Variants in NALF1 observed in about 807,000 individuals in gnomAD.
The protein encoded by NALF1 is family with sequence similarity 155 member A.
In NALF1, 3 loss-of-function variants were observed where a neutral mutation model predicts 48.4. That is an observed-to-expected ratio of 0.06 (90% CI 0.03 to 0.16). The LOEUF is 0.16. NALF1 is among the 10% of genes least tolerant of loss of function. The pLI, the probability that NALF1 is intolerant of heterozygous loss-of-function variation, is 1.00. For synonymous variants in NALF1, 262 were observed against 245.7 expected (o/e 1.07, Z -0.62); for missense variants, 526 against 571.5 (o/e 0.92, Z 0.81).
intron 1 of NALF1, among the ~76,000 whole-genome samples, chr13:107,211,698 C>T (rs17437403): frequency 0.018 from 2,733 of 152,200 alleles, 28 homozygotes; most frequent in Non-Finnish European, 0.028. Context: ...TTATCTATTT[C>T]TAGGGTTAAT....
intron 1 of NALF1, among the ~76,000 whole-genome samples, chr13:107,306,343 G>A (rs1188208001): frequency 6.6e-6 from 1 of 152,114 alleles, no homozygotes; most frequent in African/African-American, 2.4e-5. Flanking sequence ...CAGACTTGAG[G>A]ATTGTATAGC....
intron 1 of NALF1, among the ~76,000 whole-genome samples, chr13:107,236,547 G>A (rs1880345637): frequency 6.6e-6 from 1 of 152,146 alleles, no homozygotes; most frequent in African/African-American, 2.4e-5. Context: ...GAAAACAAAT[G>A]TAAAGAGATG....
chr13:107,504,250 C>CAAAAAAAAAAAAAAAAAAAAATAAA (rs1875621689), intron 1 of NALF1, among the ~76,000 whole-genome samples: 1 of 71,706 alleles, frequency 1.4e-5, no homozygotes. Flanking sequence ...GGCCCTATCT[C>CAAAAAAAAAAAAAAAAAAAAATAAA]AAAAAAAAAA....
At chr13:107,213,255 A>C (rs1302910972) in intron 1 of NALF1, among the ~76,000 whole-genome samples, 2 of 151,040 alleles carry the variant, frequency 1.3e-5, no homozygotes, top group Admixed American at 6.6e-5. Flanking sequence ...AAAAAAGAAA[A>C]GAAAAAGAAA....
chr13:107,649,082 T>C (rs1278130737), intron 1 of NALF1, among the ~76,000 whole-genome samples: 1 of 152,198 alleles, frequency 6.6e-6, no homozygotes, highest in Non-Finnish European at 1.5e-5. Flanking sequence ...TGGATAAAAG[T>C]CCCTTATCAG....
Position 107,393,945 on chromosome 13 carries a change from C to G in NALF1, c.916-183190G>C, listed in dbSNP as rs373058921. 2.0e-5 allele frequency among the ~76,000 whole-genome samples: 3 copies of G among 152,194 alleles called. 1 individual carries two copies. On this transcript the variant is annotated intron_variant, in intron 1 of 2. Coordinates refer to ENST00000375915, the MANE Select transcript of NALF1 (RefSeq NM_001080396.3). Reference sequence around the variant, plus strand: ...AAGAGGTACTTTCTAAGATATTTAGCTAAAACAATAAAAAGTAAATTGCTA... The same window carrying G: ...AAGAGGTACTTTCTAAGATATTTAGGTAAAACAATAAAAAGTAAATTGCTA...
At chr13:107,654,577 T>C (rs1427286453) in intron 1 of NALF1, among the ~76,000 whole-genome samples, 1 of 150,420 alleles carries the variant, frequency 6.6e-6, no homozygotes, top group Non-Finnish European at 1.5e-5. Context: ...ATTCAAAGAG[T>C]TTGTACTAAT....
chr13:107,295,968 C>T (rs1300934490), intron 1 of NALF1, among the ~76,000 whole-genome samples: 1 of 152,098 alleles, frequency 6.6e-6, no homozygotes, highest in African/African-American at 2.4e-5. Flanking sequence ...AATGCAAGAA[C>T]TTAAGGAATT....
chr13:107,753,638 C>T (rs1338288921), intron 1 of NALF1, among the ~76,000 whole-genome samples: 1 of 151,980 alleles, frequency 6.6e-6, no homozygotes, highest in Non-Finnish European at 1.5e-5. Context: ...TGAAATATTA[C>T]GGATACACAG....
chr13:107,685,055 C>T (rs995579666), intron 1 of NALF1, among the ~76,000 whole-genome samples: 3 of 152,206 alleles, frequency 2.0e-5, no homozygotes, highest in African/African-American at 7.2e-5. Flanking sequence ...TGGCTCACGC[C>T]TGTAATCCCA....
In NALF1 at chr13:107,165,127, T is replaced by A. The variant is rs1878632584; in HGVS notation, c.*5370A>T. On this transcript the variant is annotated 3_prime_UTR_variant, in exon 3 of 3. Coordinates refer to ENST00000375915, the MANE Select transcript of NALF1 (RefSeq NM_001080396.3). Reference sequence around the variant, plus strand: ...CTTTTCTCCACATTAAAAATAAAAATTAAAAATCTATATTTTATTAAAATA... The same window carrying A: ...CTTTTCTCCACATTAAAAATAAAAAATAAAAATCTATATTTTATTAAAATA... 1 of 152,164 alleles carries A rather than the reference T, an allele frequency of 6.6e-6. No individual in the cohort carries two copies. Among genetic ancestry groups the A allele is most frequent in the Non-Finnish European group, 1.5e-5 (1 of 68,030 alleles). The allele number at this position is 152,164 out of a possible 1,614,324, so 9.4% of individuals were successfully genotyped here.
At chr13:107,619,374 T>G (rs1235917749) in intron 1 of NALF1, among the ~76,000 whole-genome samples, 1 of 152,176 alleles carries the variant, frequency 6.6e-6, no homozygotes, top group East Asian at 1.9e-4. Flanking sequence ...AATCAGCCTT[T>G]TGATAAATCA....
intron 2 of NALF1, among the ~76,000 whole-genome samples, chr13:107,187,987 T>C (rs1008078596): frequency 6.6e-6 from 1 of 152,212 alleles, no homozygotes; most frequent in Non-Finnish European, 1.5e-5. Context: ...TCTCATTTTA[T>C]GGTTTTTCAT....
intron 1 of NALF1, among the ~76,000 whole-genome samples, chr13:107,773,309 C>T (rs1461834660): frequency 1.3e-5 from 2 of 152,172 alleles, no homozygotes; most frequent in South Asian, 2.1e-4. Context: ...TCTTGATACA[C>T]ATGATAAATC....
chr13:107,470,939 G>C (rs1885090766), intron 1 of NALF1, among the ~76,000 whole-genome samples: 1 of 152,156 alleles, frequency 6.6e-6, no homozygotes, highest in Non-Finnish European at 1.5e-5. Flanking sequence ...TTTTGGCAAT[G>C]AGTCTAGTTT....
At chr13:107,572,543 G>A (rs1380375959) in intron 1 of NALF1, among the ~76,000 whole-genome samples, 1 of 152,074 alleles carries the variant, frequency 6.6e-6, no homozygotes, top group African/African-American at 2.4e-5. Flanking sequence ...CCTTTGTGCC[G>A]ATCCAGGATT....
chr13:107,820,173 C>A (rs1362161929), intron 1 of NALF1, among the ~76,000 whole-genome samples: 1 of 152,124 alleles, frequency 6.6e-6, no homozygotes, highest in African/African-American at 2.4e-5. Context: ...TTGTCTATAT[C>A]ATTTGTATAC....
At chr13:107,594,473 G>C (rs926700185) in intron 1 of NALF1, among the ~76,000 whole-genome samples, 6 of 151,584 alleles carry the variant, frequency 4.0e-5, no homozygotes, top group African/African-American at 1.5e-4. Context: ...CCAATCCCCT[G>C]TGTCCCTGTG....
intron 1 of NALF1, among the ~76,000 whole-genome samples, chr13:107,403,188 C>CTT (rs10710356): frequency 9.9e-4 from 42 of 42,480 alleles, no homozygotes; most frequent in South Asian, 1.4e-3. Context: ...CTTGTTCGGG[C>CTT]TTTTTTTTTT....
Sources: gnomAD v4.1 joint callset for allele counts (sites outside exome capture counted in the v4.1 genomes callset) on GRCh38, gnomAD v4.1.1 for gene constraint, MANE v1.5 for transcripts, NCBI Gene and HGNC (gene_info 2026-07-23, HGNC 2026-07-21) for gene names.